The following PCDHA4 variants were observed in gnomAD, a reference collection of about 807,000 sequenced individuals.
PCDHA4 encodes protocadherin alpha 4, also known as protocadherin alpha-4.
Under a neutral mutation model 61.4 loss-of-function variants are expected in PCDHA4, and 49 were observed. That is an observed-to-expected ratio of 0.80 (90% CI 0.63 to 1.01). PCDHA4 has a LOEUF of 1.01. Ranked by LOEUF, PCDHA4 falls within the 50% of genes least tolerant of loss-of-function variation. The probability of loss-of-function intolerance (pLI) is 0.00; values close to 1 mark genes in which losing one functional copy is unlikely to be tolerated. For missense variants in PCDHA4, 1,254 were observed against 1,235.8 expected (o/e 1.01, Z -0.22); for synonymous variants, 590 against 550.3 (o/e 1.07, Z -1.01).
intron 1 of PCDHA4, chr5:140,810,936 T>A (rs1435717143): frequency 6.6e-6 from 1 of 152,230 alleles, no homozygotes; most frequent in Non-Finnish European, 1.5e-5. Context: ...ACATTACATC[T>A]ACAATCCATT....
chr5:140,834,218 G>C, intron 1 of PCDHA4: 1 of 668,584 alleles, frequency 1.5e-6, no homozygotes, highest in Non-Finnish European at 2.5e-6. Flanking sequence ...TTCGTAATCA[G>C]CAAAAGGAAG....
In PCDHA4 at chr5:140,842,902, G is replaced by A. The variant is rs2150347537; in HGVS notation, c.2385+33330G>A. The A allele has an allele frequency of 2.1e-5, 34 of 1,594,288 alleles. 5 individuals carry two copies. Among genetic ancestry groups the A allele is most frequent in the African/African-American group, 2.7e-5 (2 of 74,330 alleles). On this transcript the variant is annotated intron_variant, in intron 1 of 3. Coordinates refer to ENST00000530339, the MANE Select transcript of PCDHA4 (RefSeq NM_018907.4). ...CGCTGCAGCCGCTGGACCACGAGGA[G>A]CTAGAGCTGCTGCAGTTCCAGGTGA...
intron 3 of PCDHA4, among the ~76,000 whole-genome samples, chr5:141,004,676 G>C (rs1198896698): frequency 6.6e-6 from 1 of 152,168 alleles, no homozygotes; most frequent in Non-Finnish European, 1.5e-5. Context: ...AAGGACTGTG[G>C]AGTGGTGCTG....
intron 1 of PCDHA4, among the ~76,000 whole-genome samples, chr5:140,886,071 A>G (rs985861864): frequency 3.9e-5 from 6 of 152,338 alleles, no homozygotes; most frequent in South Asian, 2.1e-4. Context: ...GCGTAGGGCC[A>G]TACCACAACC....
At chr5:140,993,137 A>G (rs1336525759) in intron 3 of PCDHA4, among the ~76,000 whole-genome samples, 12 of 152,212 alleles carry the variant, frequency 7.9e-5, no homozygotes, top group African/African-American at 2.7e-4. Flanking sequence ...CTGTTGCAAC[A>G]AGTATAAATG....
chr5:140,868,951 A>C (rs2050753987), intron 1 of PCDHA4: 1 of 1,321,466 alleles, frequency 7.6e-7, no homozygotes, highest in African/African-American at 1.5e-5. Context: ...ACAGTGAGGC[A>C]CTCCCATACA....
chr5:140,882,280 C>T lies in PCDHA4; in HGVS notation c.2385+72708C>T, dbSNP rs531486554. On this transcript the variant is annotated intron_variant, in intron 1 of 3. Transcript: ENST00000530339. ...TTTTGGAGTGTACCATGCTGTCTTCCTGGCAAGGAGGCCCAAGACCGCGGC... is the reference window on the plus strand; with the variant it reads ...TTTTGGAGTGTACCATGCTGTCTTCTTGGCAAGGAGGCCCAAGACCGCGGC... 1.0e-4 allele frequency: 164 copies of T among 1,612,564 alleles called. 4 individuals are homozygous for T. The South Asian group carries it at 1.7e-3, about 16-fold the overall frequency.
In PCDHA4 at chr5:140,808,110, T is replaced by C. The variant is rs781921257; in HGVS notation, c.923T>C (p.Ile308Thr). The C allele has an allele frequency of 9.5e-5, 154 of 1,613,930 alleles. No homozygotes were observed. The highest frequency in any genetic ancestry group is 1.2e-4 in the Non-Finnish European group (145 of 1,179,894). Residue 308 changes from isoleucine to threonine, a missense_variant, in exon 1 of 4, where the codon ATT becomes ACT. Coordinates refer to ENST00000530339, the MANE Select transcript of PCDHA4 (RefSeq NM_018907.4). ...GGACAAATTATTGTAAAGGGATATA[T>C]TGACTTTGAAGAAAGCAAATCCTAT... is the stretch of plus-strand genomic sequence containing the variant. ...ITGQIIVKGY[I>T]DFEESKSYEI...
At chr5:140,946,314 T>C (rs1307176539) in intron 1 of PCDHA4, among the ~76,000 whole-genome samples, 2 of 151,808 alleles carry the variant, frequency 1.3e-5, no homozygotes, top group African/African-American at 4.8e-5. Flanking sequence ...ATGGCTATTA[T>C]TGAAAGAGGA....
At chr5:140,829,175 G>C in intron 1 of PCDHA4, 1 of 1,614,160 alleles carries the variant, frequency 6.2e-7, no homozygotes, top group Non-Finnish European at 8.5e-7. Flanking sequence ...TGTACGTGAA[G>C]ACGCTCAATT....
At chr5:140,856,545 T>C in intron 1 of PCDHA4, 1 of 1,598,250 alleles carries the variant, frequency 6.3e-7, no homozygotes, top group South Asian at 1.1e-5. Context: ...GAGAACGCAT[T>C]GCTTACTTAC....
At chr5:140,853,925 T>C in intron 1 of PCDHA4, 3 of 909,732 alleles carry the variant, frequency 3.3e-6, no homozygotes, top group Non-Finnish European at 4.0e-6. Context: ...TCCCAACATT[T>C]TGGGAGGCCA....
chr5:140,995,449 A>G (rs1279825778), intron 3 of PCDHA4, among the ~76,000 whole-genome samples: 18 of 152,120 alleles, frequency 1.2e-4, no homozygotes, highest in African/African-American at 3.9e-4. Flanking sequence ...AAACTTATGA[A>G]TTGTTTATTT....
chr5:140,844,580 A>G (rs1473112365), intron 1 of PCDHA4, among the ~76,000 whole-genome samples: 3 of 149,602 alleles, frequency 2.0e-5, no homozygotes, highest in African/African-American at 7.3e-5. Flanking sequence ...ATTCCACATT[A>G]AAGTGATATT....
Position 140,850,434 on chromosome 5 carries a change from C to G in PCDHA4, c.2385+40862C>G, listed in dbSNP as rs2150484212. ...CGAAACGGACGCACCGCGCCAGCGC[C>G]TACTGGTGCTGGTGAAAGACCACGG... On this transcript the variant is annotated intron_variant, in intron 1 of 3. Coordinates refer to ENST00000530339, the MANE Select transcript of PCDHA4 (RefSeq NM_018907.4). 12 of 1,598,008 alleles carry G rather than the reference C, an allele frequency of 7.5e-6. No individual in the cohort carries two copies. In the Admixed American group the frequency reaches 1.9e-4, roughly 25 times the overall value.
chr5:140,843,689 G>A lies in PCDHA4; in HGVS notation c.2385+34117G>A, dbSNP rs2150365146. 5 of 1,587,152 alleles carry A rather than the reference G, an allele frequency of 3.2e-6. 1 individual carries two copies. The highest frequency in any genetic ancestry group is 4.3e-6 in the Non-Finnish European group (5 of 1,157,468). On this transcript the variant is annotated intron_variant, in intron 1 of 3. Coordinates refer to ENST00000530339, the MANE Select transcript of PCDHA4 (RefSeq NM_018907.4). ...ATCAGTTGATGTAGGCGAAGAGCAAGATTTAAATGTTGATCATGGCCTCAA... is the reference window on the plus strand; with the variant it reads ...ATCAGTTGATGTAGGCGAAGAGCAAAATTTAAATGTTGATCATGGCCTCAA...
rs782343836 is a variant in PCDHA4 at position 140,869,112 on chromosome 5, T to C, written c.2385+59540T>C. 17 of 1,604,108 alleles carry C rather than the reference T, an allele frequency of 1.1e-5. No individual in the cohort carries two copies. The South Asian group carries it at 1.5e-4, about 15-fold the overall frequency. On this transcript the variant is annotated intron_variant, in intron 1 of 3. Coordinates refer to ENST00000530339, the MANE Select transcript of PCDHA4 (RefSeq NM_018907.4). ...AGCCAATTTCGTATGCGATGTTTGG[T>C]TTTCAGAGAAGGGGATTGGGCACCC...
At chr5:140,926,373 G>T (rs1040164585) in intron 1 of PCDHA4, 1 of 152,370 alleles carries the variant, frequency 6.6e-6, no homozygotes, top group African/African-American at 2.4e-5. Flanking sequence ...GGCAGGAAGA[G>T]CCCAGCTGGG....
At chr5:140,821,649 T>C (rs1477425486) in intron 1 of PCDHA4, 10 of 1,085,948 alleles carry the variant, frequency 9.2e-6, no homozygotes, top group Non-Finnish European at 1.3e-5. Context: ...GAACCTTCCA[T>C]TTTTGGCTGT....
Sources: gnomAD v4.1 joint callset for allele counts (sites outside exome capture counted in the v4.1 genomes callset) on GRCh38, gnomAD v4.1.1 for gene constraint, MANE v1.5 for transcripts, NCBI Gene and HGNC (gene_info 2026-07-23, HGNC 2026-07-21) for gene names.